Variants in CATSPERE observed in about 807,000 individuals in gnomAD.
CATSPERE encodes cation channel sperm-associated auxiliary subunit epsilon.
In CATSPERE, 93 loss-of-function variants were observed where a neutral mutation model predicts 114.1. That is an observed-to-expected ratio of 0.81 (90% CI 0.69 to 0.97). CATSPERE has a LOEUF of 0.97. CATSPERE is among the 50% of genes least tolerant of loss of function. CATSPERE has a pLI of 0.00. For synonymous variants in CATSPERE, 341 were observed against 384.1 expected (o/e 0.89, Z 1.31); for missense variants, 1,058 against 1,131.6 (o/e 0.93, Z 0.93).
upstream of CATSPERE, chr1:244,451,970 TC>T: frequency 1.4e-6 from 1 of 727,984 alleles, no homozygotes; most frequent in Non-Finnish European, 2.1e-6. The surrounding 1 kb of genome is among the most constrained non-coding windows in gnomAD (Gnocchi z 6.6). Flanking sequence ...CTCCAGCCAG[TC>T]CCCGCCCCGC....
intron 5 of CATSPERE, among the ~76,000 whole-genome samples, chr1:244,488,842 T>A (rs1671493063): frequency 6.6e-6 from 1 of 152,192 alleles, no homozygotes. Context: ...TAGTAGCTAT[T>A]TTCAGCAGCT....
chr1:244,579,846 G>A (rs575662744), intron 11 of CATSPERE, among the ~76,000 whole-genome samples: 3 of 152,028 alleles, frequency 2.0e-5, no homozygotes, highest in South Asian at 4.1e-4. Flanking sequence ...ACCTCATAAG[G>A]TTCTTTTATT....
intron 11 of CATSPERE, among the ~76,000 whole-genome samples, chr1:244,576,635 T>G (rs1047591392): frequency 6.6e-6 from 1 of 151,968 alleles, no homozygotes; most frequent in Non-Finnish European, 1.5e-5. Flanking sequence ...GTGTATATTA[T>G]TTTGTATAGT....
intron 17 of CATSPERE, among the ~76,000 whole-genome samples, chr1:244,597,137 A>G (rs1451605637): frequency 6.6e-6 from 1 of 152,200 alleles, no homozygotes; most frequent in East Asian, 1.9e-4. Flanking sequence ...TCCTACAAAT[A>G]TACAGGTCTT....
intron 17 of CATSPERE, among the ~76,000 whole-genome samples, chr1:244,595,850 G>A (rs978681955): frequency 1.8e-4 from 28 of 152,208 alleles, no homozygotes; most frequent in South Asian, 4.2e-4. Context: ...GGAGAATGGC[G>A]TGAACCCAGG....
intron 17 of CATSPERE, among the ~76,000 whole-genome samples, chr1:244,595,048 T>C (rs1038246803): frequency 6.6e-6 from 1 of 152,206 alleles, no homozygotes; most frequent in African/African-American, 2.4e-5. Flanking sequence ...CGTGTTTGTT[T>C]ATGTAATGCT....
intron 17 of CATSPERE, among the ~76,000 whole-genome samples, chr1:244,602,004 A>C (rs1344194625): frequency 1.3e-5 from 2 of 151,332 alleles, no homozygotes; most frequent in Non-Finnish European, 2.9e-5. Context: ...GAAGAAGGGG[A>C]AGGGGAAGGA....
intron 7 of CATSPERE, among the ~76,000 whole-genome samples, chr1:244,516,191 AAATAAT>A (rs146704402): frequency 0.12 from 18,352 of 150,238 alleles, 1,824 homozygotes; most frequent in African/African-American, 0.28. Flanking sequence ...ACCTTGTCTC[AAATAAT>A]AATAATAATA....
chr1:244,615,564 T>G (rs562249512), intron 19 of CATSPERE, among the ~76,000 whole-genome samples: 56 of 151,828 alleles, frequency 3.7e-4, no homozygotes, highest in Middle Eastern at 3.4e-3. Flanking sequence ...CATGTTACTA[T>G]AGTGAATAAC....
intron 6 of CATSPERE, among the ~76,000 whole-genome samples, chr1:244,491,206 C>T (rs1672087682): frequency 6.6e-6 from 1 of 152,078 alleles, no homozygotes; most frequent in Non-Finnish European, 1.5e-5. Context: ...TAAAGCTCTC[C>T]TCAGCAAATG....
chr1:244,525,170 T>A (rs1185080582), intron 8 of CATSPERE, among the ~76,000 whole-genome samples: 1 of 150,522 alleles, frequency 6.6e-6, no homozygotes, highest in Non-Finnish European at 1.5e-5. Context: ...TAAAAAATGA[T>A]GAGTTCATGT....
chr1:244,466,994 T>C (rs1053066261), intron 2 of CATSPERE, among the ~76,000 whole-genome samples: 1 of 152,228 alleles, frequency 6.6e-6, no homozygotes, highest in Non-Finnish European at 1.5e-5. Context: ...GGTTCCTGGT[T>C]TCCAGCTCCT....
At chr1:244,539,142 G>A (rs566058905) in intron 8 of CATSPERE, among the ~76,000 whole-genome samples, 8 of 152,166 alleles carry the variant, frequency 5.3e-5, no homozygotes, top group South Asian at 4.2e-4. Context: ...TTTGAGATAC[G>A]TCCCATCAAT....
intron 8 of CATSPERE, among the ~76,000 whole-genome samples, chr1:244,548,358 TAC>T (rs1660088807): frequency 6.6e-6 from 1 of 152,140 alleles, no homozygotes; most frequent in African/African-American, 2.4e-5. Context: ...CATCTCTGAG[TAC>T]CCAGTCTGCC....
intron 8 of CATSPERE, among the ~76,000 whole-genome samples, chr1:244,524,674 C>A (rs1253662007): frequency 1.3e-5 from 2 of 151,548 alleles, no homozygotes. Context: ...AAAAAGTGGG[C>A]AAAGGAAACG....
intron 18 of CATSPERE, among the ~76,000 whole-genome samples, chr1:244,609,119 G>A (rs1670381558): frequency 6.6e-6 from 1 of 151,954 alleles, no homozygotes; most frequent in African/African-American, 2.4e-5. Flanking sequence ...CCAAGAAGTG[G>A]AGGGTGCAGT....
At chr1:244,489,697 C>T (rs894201955) in intron 5 of CATSPERE, among the ~76,000 whole-genome samples, 1 of 151,878 alleles carries the variant, frequency 6.6e-6, no homozygotes, top group Non-Finnish European at 1.5e-5. Flanking sequence ...TTGGTGTCAA[C>T]TTGCTTAGGT....
At chr1:244,570,294 T>C (rs1040315791) in intron 10 of CATSPERE, among the ~76,000 whole-genome samples, 2 of 152,152 alleles carry the variant, frequency 1.3e-5, no homozygotes, top group African/African-American at 4.8e-5. Flanking sequence ...ATTTATAATA[T>C]TGCTTGTGCC....
At chr1:244,466,878 T>G (rs1455812377) in intron 2 of CATSPERE, among the ~76,000 whole-genome samples, 1 of 152,198 alleles carries the variant, frequency 6.6e-6, no homozygotes, top group African/African-American at 2.4e-5. Flanking sequence ...ACCACCTATC[T>G]TTGAAGCCTG....
Sources: allele counts gnomAD v4.1 joint callset (sites outside exome capture counted in the v4.1 genomes callset), GRCh38; gene constraint gnomAD v4.1.1; non-coding constraint Gnocchi (gnomAD v3.1); transcripts MANE v1.5; gene names NCBI Gene and HGNC (gene_info 2026-07-23, HGNC 2026-07-21).